The following LYPD1 variants were observed in gnomAD, a reference collection of about 807,000 sequenced individuals.
LYPD1 encodes LY6/PLAUR domain containing 1.
A neutral mutation model predicts 14.2 loss-of-function variants in LYPD1; 14 were observed. That is an observed-to-expected ratio of 0.99 (90% CI 0.65 to 1.54). The LOEUF (loss-of-function observed/expected upper bound fraction) is 1.54. Ranked by LOEUF, LYPD1 falls within the 40% of genes most tolerant of loss-of-function variation. The pLI is 0.00. For synonymous variants in LYPD1, 85 were observed against 70.6 expected, an observed-to-expected ratio of 1.20 and a Z score of -1.02; for missense variants, 165 against 175.7, an observed-to-expected ratio of 0.94 and a Z score of 0.34.
Position 132,644,907 on chromosome 2 carries a change from TTGAAACAG to T in LYPD1, c.*1130_*1137del. 1 of 605,814 alleles carries T rather than the reference TTGAAACAG, an allele frequency of 1.7e-6. No individual in the cohort carries two copies. Among genetic ancestry groups the T allele is most frequent in the African/African-American group, 2.3e-5 (1 of 43,906 alleles). 37.5% of individuals were successfully genotyped at this position (605,814 alleles called of 1,614,324 possible). ...TTTAACACAGCCAACTCCCCCGGGT[TTGAAACAG>T]TGTTAAATTCTCTCTTGCTTGTGGC... is the stretch of plus-strand genomic sequence containing the variant. On this transcript the variant is annotated 3_prime_UTR_variant, in exon 3 of 3. Coordinates refer to ENST00000397463, the MANE Select transcript of LYPD1 (RefSeq NM_144586.7).
intron 2 of LYPD1, among the ~76,000 whole-genome samples, chr2:132,648,763 C>CAA (rs1170926167): frequency 6.6e-6 from 1 of 152,146 alleles, no homozygotes; most frequent in East Asian, 1.9e-4. Flanking sequence ...GAGGGCACCA[C>CAA]AATGAGGCTT....
At position 132,644,923 on chromosome 2, in the gene LYPD1, TTC is replaced by T; in HGVS notation, c.*1120_*1121del. 1.5e-6 allele frequency: 1 copy of T among 670,976 alleles called. No individual in the cohort carries two copies. The highest frequency in any genetic ancestry group is 2.5e-6 in the Non-Finnish European group (1 of 404,386). The allele number at this position is 670,976 out of a possible 1,614,324, so 41.6% of individuals were successfully genotyped here. A position where few individuals can be genotyped will look rare whatever the true frequency, so the allele number is the denominator to read the frequency against. ...CCCCCGGGTTTGAAACAGTGTTAAA[TTC>T]TCTCTTGCTTGTGGCAAAAGAAGCT... On this transcript the variant is annotated 3_prime_UTR_variant, in exon 3 of 3. Transcript: ENST00000397463.
intron 2 of LYPD1, among the ~76,000 whole-genome samples, chr2:132,667,489 A>C (rs937586897): frequency 6.6e-6 from 1 of 152,124 alleles, no homozygotes; most frequent in African/African-American, 2.4e-5. Flanking sequence ...TAATCACTTC[A>C]CCGGGCTCTG....
chr2:132,666,871 T>G (rs1478391555), intron 2 of LYPD1: 1 of 152,222 alleles, frequency 6.6e-6, no homozygotes, highest in Non-Finnish European at 1.5e-5. Context: ...AGCAGTGGCC[T>G]TGTGGACTCT....
intron 2 of LYPD1, among the ~76,000 whole-genome samples, chr2:132,656,856 G>C (rs1682623573): frequency 6.6e-6 from 1 of 152,182 alleles, no homozygotes; most frequent in South Asian, 2.1e-4. Context: ...GAAGTGCCAA[G>C]TTCCACACTG....
At chr2:132,657,635 C>A (rs1336655149) in intron 2 of LYPD1, among the ~76,000 whole-genome samples, 1 of 152,188 alleles carries the variant, frequency 6.6e-6, no homozygotes, top group East Asian at 1.9e-4. Flanking sequence ...TGTCCTCACA[C>A]TAAAATTTAG....
At chr2:132,649,210 A>G (rs1682261758) in intron 2 of LYPD1, among the ~76,000 whole-genome samples, 1 of 152,094 alleles carries the variant, frequency 6.6e-6, no homozygotes. Flanking sequence ...AGAAATGGGG[A>G]AATTTGAGAT....
At chr2:132,670,296 T>TG (rs1683614051), upstream of LYPD1, 1 of 274,484 alleles carries the variant, frequency 3.6e-6, no homozygotes, top group Non-Finnish European at 6.7e-6. This position sits in a 1 kb window ranked among gnomAD's most constrained non-coding sequence, Gnocchi z 4.5. Context: ...CGAGTTGGGG[T>TG]GGGGGTGGCG....
At chr2:132,646,538 A>ATT in intron 2 of LYPD1, 1 of 369,882 alleles carries the variant, frequency 2.7e-6, no homozygotes, top group East Asian at 4.0e-5. Flanking sequence ...ACCTGTTAAT[A>ATT]AAGAGCTGTT....
At chr2:132,670,989 G>C (rs902617136), upstream of LYPD1, among the ~76,000 whole-genome samples, 2 of 152,192 alleles carry the variant, frequency 1.3e-5, no homozygotes, top group East Asian at 1.9e-4. The surrounding 1 kb of genome is among the most constrained non-coding windows in gnomAD (Gnocchi z 4.5). Context: ...GTGAGGAAGA[G>C]GGTTGTTCTC....
intron 2 of LYPD1, among the ~76,000 whole-genome samples, chr2:132,648,861 G>C (rs1368056471): frequency 6.6e-6 from 1 of 152,106 alleles, no homozygotes; most frequent in African/African-American, 2.4e-5. Flanking sequence ...ATGTCAGATA[G>C]GTGTGTCCAT....
At chr2:132,656,422 CAAAG>C (rs1350950451) in intron 2 of LYPD1, among the ~76,000 whole-genome samples, 1 of 152,054 alleles carries the variant, frequency 6.6e-6, no homozygotes, top group Non-Finnish European at 1.5e-5. Context: ...AACAGTTCCT[CAAAG>C]AAAAATGCTT....
rs181121698 is a variant in LYPD1, at chr2:132,662,317, C to G, written c.190+6083G>C. On this transcript the variant is annotated intron_variant, in intron 2 of 2. Coordinates refer to ENST00000397463, the MANE Select transcript of LYPD1 (RefSeq NM_144586.7). ...CATTTCTCATTCTCTTGCTGTATCT[C>G]ATAAGAAAACAGTCAGCCTGTTTCT... Among the ~76,000 whole-genome samples the G allele has an allele frequency of 1.9e-3, 283 of 152,258 alleles. 1 individual carries two copies. Among genetic ancestry groups the G allele is most frequent in the Non-Finnish European group, 2.9e-3 (195 of 68,028 alleles).
In LYPD1 at chr2:132,667,234, C is replaced by T. The variant is rs554598615; in HGVS notation, c.190+1166G>A. ...CCCTTGAGAGCCAGTATGTCTGAGG[C>T]TTCCCAGAAGAGTGATTTTGGTGCA... is the stretch of plus-strand genomic sequence containing the variant. On this transcript the variant is annotated intron_variant, in intron 2 of 2. Transcript: ENST00000397463. 6.6e-5 allele frequency among the ~76,000 whole-genome samples: 10 copies of T among 152,284 alleles called. No homozygotes were observed. The South Asian group carries it at 2.1e-3, about 32-fold the overall frequency.
rs775995244 is a variant in LYPD1, at chr2:132,669,938, C to T, written c.-6G>A. 2.5e-6 allele frequency: 4 copies of T among 1,612,108 alleles called. No homozygotes were observed. The highest frequency in any genetic ancestry group is 2.7e-5 in the African/African-American group (2 of 74,766). The stretch of plus-strand genomic sequence containing the variant: ...GCGATGCCTAGGACCCACATTCTCC[C>T]GGAGTCCCGGGGCCGGGAGAGGGCA... On this transcript the variant is annotated 5_prime_UTR_variant, in exon 1 of 3. Transcript: ENST00000397463. This position sits in a 1 kb window ranked among gnomAD's most constrained non-coding sequence, Gnocchi z 4.3.
At position 132,645,406 on chromosome 2, in the gene LYPD1, G is replaced by T. The variant is rs1442559168; in HGVS notation, c.*639C>A. ...CTCCACCACCGACAGCGCCCGCTTTGTGCAGCGCCCGTTGCTCTTCGCGTC... is the reference window on the plus strand; with the variant it reads ...CTCCACCACCGACAGCGCCCGCTTTTTGCAGCGCCCGTTGCTCTTCGCGTC... On this transcript the variant is annotated 3_prime_UTR_variant, in exon 3 of 3. Transcript: ENST00000397463. 1 of 1,613,610 alleles carries T rather than the reference G, an allele frequency of 6.2e-7. No individual in the cohort carries two copies. The highest frequency in any genetic ancestry group is 1.7e-5 in the Admixed American group (1 of 60,028).
rs553077693 is a variant in LYPD1 at position 132,645,256 on chromosome 2, G to A, written c.*789C>T. The A allele has an allele frequency of 6.2e-7, 1 of 1,613,710 alleles. No individual in the cohort carries two copies. Among genetic ancestry groups the A allele is most frequent in the East Asian group, 2.2e-5 (1 of 44,880 alleles). On this transcript the variant is annotated 3_prime_UTR_variant, in exon 3 of 3. Transcript: ENST00000397463. ...GGAGACGTTTTTCTACCTCAGCTCGGTCATCAACCCGCTCCTGTACACGGT... is the reference window on the plus strand; with the variant it reads ...GGAGACGTTTTTCTACCTCAGCTCGATCATCAACCCGCTCCTGTACACGGT...
intron 2 of LYPD1, among the ~76,000 whole-genome samples, chr2:132,664,511 T>C (rs1485589771): frequency 6.6e-6 from 1 of 152,224 alleles, no homozygotes; most frequent in Non-Finnish European, 1.5e-5. Flanking sequence ...TCAGTAACTC[T>C]TGTATTGCAA....
chr2:132,670,167 G>T lies in LYPD1; in HGVS notation c.-235C>A. ...CTCCTCCCGCTCGCGCTCCCGGGCC[G>T]AGCACCGCGCCTCCGGAGTTGGCGG... On this transcript the variant is annotated 5_prime_UTR_variant, in exon 1 of 3. Coordinates refer to ENST00000397463, the MANE Select transcript of LYPD1 (RefSeq NM_144586.7). This position sits in a 1 kb window ranked among gnomAD's most constrained non-coding sequence, Gnocchi z 4.5. The T allele has an allele frequency of 7.5e-7, 1 of 1,333,310 alleles. No homozygotes were observed. The highest frequency in any genetic ancestry group is 3.2e-5 in the East Asian group (1 of 31,278). The allele number at this position is 1,333,310 out of a possible 1,614,324, so 82.6% of individuals were successfully genotyped here.
Sources: allele counts gnomAD v4.1 joint callset (sites outside exome capture counted in the v4.1 genomes callset), GRCh38; gene constraint gnomAD v4.1.1; non-coding constraint Gnocchi (gnomAD v3.1); transcripts MANE v1.5; gene names NCBI Gene and HGNC (gene_info 2026-07-23, HGNC 2026-07-21).